RNF126: variants seen among roughly 807,000 people sequenced by gnomAD.
RNF126 encodes the protein E3 ubiquitin-protein ligase RNF126.
In RNF126, 20 loss-of-function variants were observed where a neutral mutation model predicts 41.9. That is an observed-to-expected ratio of 0.48 (90% CI 0.34 to 0.69). The LOEUF (loss-of-function observed/expected upper bound fraction) is 0.69, where lower values mean the gene tolerates loss of function less well. RNF126 is among the 30% of genes least tolerant of loss of function. The pLI is 0.01. For synonymous variants in RNF126, 239 were observed against 202.9 expected (o/e 1.18, Z -1.51); for missense variants, 433 against 460.6 (o/e 0.94, Z 0.55).
rs1255954146 is a variant in RNF126, at chr19:663,072, G to A, written c.50C>T (p.Ser17Phe). 2.2e-6 allele frequency: 3 copies of A among 1,377,064 alleles called. No homozygotes were observed. The highest frequency in any genetic ancestry group is 2.8e-6 in the Non-Finnish European group (3 of 1,059,882). The allele number at this position is 1,377,064 out of a possible 1,614,324, so 85.3% of individuals were successfully genotyped here. A position where few individuals can be genotyped will look rare whatever the true frequency, so the allele number is the denominator to read the frequency against. Residue 17 changes from serine (S) to phenylalanine (F), a missense_variant, in exon 1 of 9, where the codon TCC (serine) becomes TTC (phenylalanine). Around this residue, in one of 5 missense-constraint regions of RNF126, gnomAD observed 247 missense variants for 224.7 expected, o/e 1.10. Coordinates refer to ENST00000292363, the MANE Select transcript of RNF126 (RefSeq NM_194460.3). ...HPGRYFCHCC[S>F]VEIVPRLPDY... ...CGGCAGGCGCGGGACGATCTCCACG[G>A]AGCAGCAGTGGCAGAAGTACCGTCC...
intron 1 of RNF126, among the ~76,000 whole-genome samples, chr19:656,871 G>A (rs995678131): frequency 3.9e-5 from 6 of 152,198 alleles, no homozygotes; most frequent in South Asian, 4.1e-4. Context: ...TGCCGGTGTC[G>A]GGTCTATCGG....
At chr19:660,531 C>T (rs1315169460) in intron 1 of RNF126, among the ~76,000 whole-genome samples, 4 of 152,340 alleles carry the variant, frequency 2.6e-5, no homozygotes, top group South Asian at 2.1e-4. Context: ...AGAGACGCCC[C>T]GTTTCGAGGG....
In RNF126 at chr19:648,117, C is replaced by T; in HGVS notation, c.*11G>A. The T allele has an allele frequency of 6.4e-7, 1 of 1,560,580 alleles. No individual in the cohort carries two copies. The highest frequency in any genetic ancestry group is 2.3e-5 in the East Asian group (1 of 43,894). On this transcript the variant is annotated 3_prime_UTR_variant, in exon 9 of 9. Transcript: ENST00000292363. ...GAAAGGCCCCGTGCTTTCCCGACGG[C>T]CGACGTGGGCTCACGAGTTGCTTGT...
Position 652,541 on chromosome 19 carries a change from C to T in RNF126, c.135-245G>A, listed in dbSNP as rs564742677. On this transcript the variant is annotated intron_variant, in intron 2 of 8. Transcript: ENST00000292363. ...TAAGCGTGAGAATGTGGGTAGGGCC[C>T]CCGTGGCCCCTTCCCCGGAGGGCCT... The T allele has an allele frequency of 4.1e-4, 245 of 602,386 alleles. No individual in the cohort carries two copies. The Middle Eastern group carries it at 7.5e-3, about 18-fold the overall frequency. The allele number at this position is 602,386 out of a possible 1,614,324, so 37.3% of individuals were successfully genotyped here.
intron 3 of RNF126, 78 bp from the exon 4 acceptor site, chr19:651,933 A>G: frequency 2.9e-6 from 4 of 1,369,302 alleles, no homozygotes; most frequent in Non-Finnish European, 4.0e-6. Context: ...ACAAAGACAA[A>G]GGAGAAAGCA....
In RNF126 at chr19:652,310, G is replaced by A. The variant is rs2030348579; in HGVS notation, c.135-14C>T. 1 of 1,554,030 alleles carries A rather than the reference G, an allele frequency of 6.4e-7. No homozygotes were observed. On this transcript the variant is annotated splice_polypyrimidine_tract_variant and intron_variant, in intron 2 of 8. Transcript: ENST00000292363. ...TTTTCTGTGCTCCTGGGGAGAGAGTGCAGGTCAGCAGTGCCGGCTACCCTG... is the reference window on the plus strand; with the variant it reads ...TTTTCTGTGCTCCTGGGGAGAGAGTACAGGTCAGCAGTGCCGGCTACCCTG...
chr19:648,027 C>T lies in RNF126; in HGVS notation c.*101G>A. The T allele has an allele frequency of 2.2e-6, 3 of 1,344,674 alleles. No homozygotes were observed. The highest frequency in any genetic ancestry group is 3.0e-6 in the Non-Finnish European group (3 of 1,011,650). The allele number at this position is 1,344,674 out of a possible 1,614,324, so 83.3% of individuals were successfully genotyped here. A position where few individuals can be genotyped will look rare whatever the true frequency, so the allele number is the denominator to read the frequency against. On this transcript the variant is annotated 3_prime_UTR_variant, in exon 9 of 9. Transcript: ENST00000292363. ...GGCGGGACCTGCAGCGCTGACCAGC[C>T]AAGCGTGGCGCCGCCGGGGCACCCA...
chr19:662,785 C>A (rs950891911), intron 1 of RNF126, among the ~76,000 whole-genome samples: 1 of 152,156 alleles, frequency 6.6e-6, no homozygotes, highest in African/African-American at 2.4e-5. Flanking sequence ...GGTCACCCGG[C>A]CGCGATCCCG....
intron 1 of RNF126, among the ~76,000 whole-genome samples, chr19:661,637 C>T (rs1417853073): frequency 6.6e-6 from 1 of 152,190 alleles, no homozygotes; most frequent in Non-Finnish European, 1.5e-5. Flanking sequence ...AGCACTCGCT[C>T]CTCCTCTGTG....
At chr19:662,415 G>A (rs955381410) in intron 1 of RNF126, among the ~76,000 whole-genome samples, 4 of 152,182 alleles carry the variant, frequency 2.6e-5, no homozygotes, top group Non-Finnish European at 2.9e-5. Context: ...CCCCGGGAGG[G>A]GAGGAACGCA....
chr19:650,371 G>A (rs925778928), intron 4 of RNF126, 75 bp from the exon 5 acceptor site: 3 of 1,341,758 alleles, frequency 2.2e-6, no homozygotes, highest in South Asian at 2.6e-5. Context: ...CCAGGTCCGT[G>A]GTGAGCACCA....
intron 1 of RNF126, among the ~76,000 whole-genome samples, chr19:658,576 G>A (rs1339672159): frequency 6.6e-6 from 1 of 152,142 alleles, no homozygotes; most frequent in Non-Finnish European, 1.5e-5. Context: ...CCAGAGGCAC[G>A]GGCACGTGCG....
intron 1 of RNF126, among the ~76,000 whole-genome samples, chr19:654,714 C>T (rs2030486651): frequency 7.1e-6 from 1 of 140,850 alleles, no homozygotes; most frequent in Non-Finnish European, 1.5e-5. Flanking sequence ...TACCTGTAAT[C>T]CTGGCACTTT....
At chr19:648,509 G>A (rs753691403) in intron 7 of RNF126, 22 bp from the exon 8 acceptor site, 1 of 1,536,714 alleles carries the variant, frequency 6.5e-7, no homozygotes, top group South Asian at 1.2e-5. Context: ...TGCAGCTGCG[G>A]TCACAGCGGG....
At chr19:653,067 C>T (rs909123883) in intron 1 of RNF126, among the ~76,000 whole-genome samples, 183 bp from the exon 2 acceptor site, 1 of 152,164 alleles carries the variant, frequency 6.6e-6, no homozygotes, top group South Asian at 2.1e-4. Flanking sequence ...CTCTGCCAGC[C>T]ACCCGCTGAC....
In RNF126 at chr19:647,722, C is replaced by T; in HGVS notation, c.*406G>A. 1 of 270,618 alleles carries T rather than the reference C, an allele frequency of 3.7e-6. No homozygotes were observed. The highest frequency in any genetic ancestry group is 7.3e-6 in the Non-Finnish European group (1 of 136,924). The allele number at this position is 270,618 out of a possible 1,614,324, so 16.8% of individuals were successfully genotyped here. The stretch of plus-strand genomic sequence containing the variant: ...TGGCCCGTCCTGGCGGCACCTGCAG[C>T]ACTGGGGGAGCCGCTGAACCCCGTG... On this transcript the variant is annotated 3_prime_UTR_variant, in exon 9 of 9. Coordinates refer to ENST00000292363, the MANE Select transcript of RNF126 (RefSeq NM_194460.3).
At position 648,140 on chromosome 19, in the gene RNF126, T is replaced by A. The variant is rs759108813; in HGVS notation, c.924A>T (p.Thr308=). The part of the protein sequence containing the change: ...SSSSPSNENA[T]SNS ...GGCCGACGTGGGCTCACGAGTTGCT[T>A]GTGGCGTTCTCGTTGCTGGGCGAGC... The change falls in exon 9 of 9, where the codon ACA becomes ACT. Residue 308 remains threonine (T), a synonymous_variant. Transcript: ENST00000292363. 1 of 1,591,918 alleles carries A rather than the reference T, an allele frequency of 6.3e-7. No individual in the cohort carries two copies. The highest frequency in any genetic ancestry group is 8.6e-7 in the Non-Finnish European group (1 of 1,166,322).
chr19:653,534 G>A (rs966895829), intron 1 of RNF126, among the ~76,000 whole-genome samples: 3 of 152,228 alleles, frequency 2.0e-5, no homozygotes, highest in African/African-American at 7.2e-5. Context: ...CATCCCCTGT[G>A]GATCTCACAC....
At chr19:651,985 C>T (rs926711735) in intron 3 of RNF126, 130 bp from the exon 4 acceptor site, 1 of 830,406 alleles carries the variant, frequency 1.2e-6, no homozygotes, top group Non-Finnish European at 1.8e-6. Flanking sequence ...GAGACGCAGA[C>T]AGGGAGGCAG....
Sources: allele counts gnomAD v4.1 joint callset (sites outside exome capture counted in the v4.1 genomes callset), GRCh38; gene constraint gnomAD v4.1.1; regional missense constraint gnomAD v4.1.1; transcripts MANE v1.5; gene names NCBI Gene and HGNC (gene_info 2026-07-23, HGNC 2026-07-21).